GALNT3: variants seen among roughly 807,000 people sequenced by gnomAD.
The protein encoded by GALNT3 is polypeptide N-acetylgalactosaminyltransferase 3, also known as GalNAc transferase 3.
In GALNT3, 51 loss-of-function variants were observed where a neutral mutation model predicts 69.8. The observed-to-expected ratio is 0.73, with a 90% CI of 0.58 to 0.92. GALNT3 has a LOEUF of 0.92. Among genes scored for constraint, GALNT3 ranks in the 40% least tolerant of loss-of-function variants. The pLI is 0.00. For synonymous variants in GALNT3, 265 were observed against 248.5 expected, an observed-to-expected ratio of 1.07 and a Z score of -0.63; for missense variants, 711 against 760.0, an observed-to-expected ratio of 0.94 and a Z score of 0.76.
In GALNT3 at chr2:165,759,386, C is replaced by T. The variant is rs764115801; in HGVS notation, c.1023G>A (p.Ser341=). The T allele has an allele frequency of 1.5e-5, 24 of 1,613,848 alleles. No individual in the cohort carries two copies. The highest frequency in any genetic ancestry group is 2.2e-5 in the East Asian group (1 of 44,872). The change falls in exon 5 of 11, where the codon TCG becomes TCA. Residue 341 remains serine (S), a synonymous_variant. Transcript: ENST00000392701. ...TTCTTTGCTTCTCATGATCAGGAAG[C>T]GACTCCCAGCCAAATGAAAGACTCC... ...FDWSLSFGWE[S]LPDHEKQRRK...
At chr2:165,762,131 CA>C in intron 3 of GALNT3, 77 bp from the exon 4 acceptor site, 1 of 1,051,760 alleles carries the variant, frequency 9.5e-7, no homozygotes, top group Non-Finnish European at 1.4e-6. Flanking sequence ...AATGAAACCA[CA>C]GAGCAATGAT....
intron 7 of GALNT3, among the ~76,000 whole-genome samples, chr2:165,755,874 T>C (rs1688435664): frequency 6.6e-6 from 1 of 152,238 alleles, no homozygotes; most frequent in African/African-American, 2.4e-5. Context: ...TTAGGACTTC[T>C]GGCTAGCTTA....
chr2:165,765,016 T>G lies in GALNT3; in HGVS notation c.556A>C (p.Thr186Pro). The change falls in exon 3 of 11, where the codon ACC (threonine) becomes CCC (proline). Residue 186 changes from threonine to proline, a missense_variant. Thr to Pro is a conservative substitution (Grantham distance 38, BLOSUM62 -1). Transcript: ENST00000392701. ...QKFKRCPPLP[T>P]TSVIIVFHNE... The stretch of plus-strand genomic sequence containing the variant: ...TGAAAAACTATTATGACACTGGTGG[T>G]GGGCAGGGGAGGGCAGCGCTTAAAT... The G allele has an allele frequency of 6.2e-7, 1 of 1,614,194 alleles. No homozygotes were observed. The highest frequency in any genetic ancestry group is 8.5e-7 in the Non-Finnish European group (1 of 1,180,028).
intron 3 of GALNT3, among the ~76,000 whole-genome samples, chr2:165,764,084 T>C (rs1177675950): frequency 6.6e-6 from 1 of 152,346 alleles, no homozygotes; most frequent in Non-Finnish European, 1.5e-5. Context: ...AAAATACTTA[T>C]GATGTTTGAA....
chr2:165,772,967 G>A (rs529341926), intron 1 of GALNT3, among the ~76,000 whole-genome samples: 1 of 152,130 alleles, frequency 6.6e-6, no homozygotes, highest in South Asian at 2.1e-4. Flanking sequence ...TTATGTTTTA[G>A]AAAAATCACA....
At chr2:165,781,048 C>T (rs1683095110) in intron 1 of GALNT3, among the ~76,000 whole-genome samples, 1 of 152,024 alleles carries the variant, frequency 6.6e-6, no homozygotes, top group Non-Finnish European at 1.5e-5. Flanking sequence ...TTTCAAAACC[C>T]TAGATGTCTG....
chr2:165,752,105 C>G (rs1325078439), intron 9 of GALNT3, among the ~76,000 whole-genome samples: 1 of 152,124 alleles, frequency 6.6e-6, no homozygotes, highest in African/African-American at 2.4e-5. Context: ...ATGATCAGGT[C>G]CCTATCAATG....
chr2:165,782,637 G>A (rs992947408), intron 1 of GALNT3, among the ~76,000 whole-genome samples: 2 of 152,146 alleles, frequency 1.3e-5, no homozygotes, highest in Admixed American at 1.3e-4. Flanking sequence ...TACAACTGGA[G>A]CTAAGACTCC....
intron 3 of GALNT3, among the ~76,000 whole-genome samples, chr2:165,762,697 A>T (rs56896426): frequency 2.8e-3 from 428 of 152,330 alleles, no homozygotes; most frequent in African/African-American, 1.0e-2. Flanking sequence ...ATACTTTAAG[A>T]TATTCAATAT....
intron 1 of GALNT3, among the ~76,000 whole-genome samples, chr2:165,774,235 C>T (rs1343241988): frequency 6.6e-6 from 1 of 152,166 alleles, no homozygotes; most frequent in Non-Finnish European, 1.5e-5. Context: ...CCAAAAATCC[C>T]CTTCCCCAGG....
At chr2:165,754,295 C>T (rs754677106) in intron 9 of GALNT3, among the ~76,000 whole-genome samples, 42 of 150,382 alleles carry the variant, frequency 2.8e-4, no homozygotes, top group Non-Finnish European at 4.1e-4. Context: ...TCACCATATT[C>T]GCCAGGCTGG....
chr2:165,754,947 A>T lies in GALNT3; in HGVS notation c.1509T>A (p.Pro503=). 6.2e-7 allele frequency: 1 copy of T among 1,613,422 alleles called. No homozygotes were observed. The highest frequency in any genetic ancestry group is 8.5e-7 in the Non-Finnish European group (1 of 1,179,494). Residue 503 remains proline (P), a synonymous_variant, in exon 8 of 11, where the codon CCT becomes CCA. Coordinates refer to ENST00000392701, the MANE Select transcript of GALNT3 (RefSeq NM_004482.4). ...YPEVYVPDLN[P]VISGYIKSVG... is the part of the protein sequence containing the mutation. The stretch of plus-strand genomic sequence containing the variant: ...AAATACTCACGTATCCAGATATAAC[A>T]GGATTAAGGTCTGGCACATACACCT...
chr2:165,758,726 A>G, intron 6 of GALNT3, 21 bp downstream of exon 6: 1 of 1,350,368 alleles, frequency 7.4e-7, no homozygotes, highest in South Asian at 1.2e-5. Context: ...TATCTGCTAT[A>G]TTTAATTTCC....
chr2:165,767,465 T>C (rs1438417093), intron 2 of GALNT3, among the ~76,000 whole-genome samples: 1 of 152,208 alleles, frequency 6.6e-6, no homozygotes, highest in African/African-American at 2.4e-5. Context: ...GTTATCACTT[T>C]AATCTTGCAA....
chr2:165,769,444 TA>T (rs1371172173), intron 2 of GALNT3, among the ~76,000 whole-genome samples: 32 of 135,072 alleles, frequency 2.4e-4, no homozygotes, highest in African/African-American at 8.5e-4. Flanking sequence ...TAATAATAAA[TA>T]AATAAATAAA....
chr2:165,765,128 A>G (rs1688616167), intron 2 of GALNT3, 72 bp from the exon 3 acceptor site: 14 of 1,222,600 alleles, frequency 1.1e-5, no homozygotes, highest in Non-Finnish European at 1.5e-5. Flanking sequence ...TACCATTGCT[A>G]ACATTATCAT....
At chr2:165,785,456 T>C (rs1486143789) in intron 1 of GALNT3, among the ~76,000 whole-genome samples, 1 of 152,168 alleles carries the variant, frequency 6.6e-6, no homozygotes, top group Non-Finnish European at 1.5e-5. Context: ...GGAAGATTTA[T>C]CATATACCTC....
chr2:165,755,555 T>C (rs1229168615), intron 7 of GALNT3, among the ~76,000 whole-genome samples: 3 of 152,244 alleles, frequency 2.0e-5, no homozygotes, highest in East Asian at 3.9e-4. Context: ...GTAATTTTTC[T>C]AGTTTCAGGA....
In GALNT3 at chr2:165,748,354, T is replaced by G. The variant is rs1401680551; in HGVS notation, c.*427A>C. The G allele has an allele frequency of 4.1e-6, 1 of 243,278 alleles. No homozygotes were observed. Among genetic ancestry groups the G allele is most frequent in the African/African-American group, 2.2e-5 (1 of 44,708 alleles). The allele number at this position is 243,278 out of a possible 1,614,324, so 15.1% of individuals were successfully genotyped here. A position where few individuals can be genotyped will look rare whatever the true frequency, so the allele number is the denominator to read the frequency against. ...TGTACACAGAGGCCAATGCTGACAT[T>G]TATTGATCTATTTTTATGTAGTTAA... On this transcript the variant is annotated 3_prime_UTR_variant, in exon 11 of 11. Transcript: ENST00000392701.
Sources: gnomAD v4.1 joint callset for allele counts (sites outside exome capture counted in the v4.1 genomes callset) on GRCh38, gnomAD v4.1.1 for gene constraint, MANE v1.5 for transcripts, NCBI Gene and HGNC (gene_info 2026-07-23, HGNC 2026-07-21) for gene names.